ZSCAN31: variants seen among roughly 807,000 people sequenced by gnomAD.
ZSCAN31 encodes the protein zinc finger and SCAN domain containing 31, also known as zinc finger and SCAN domain-containing protein 31.
A neutral mutation model predicts 22.5 loss-of-function variants in ZSCAN31; 14 were observed. The observed-to-expected ratio is 0.62, with a 90% CI of 0.41 to 0.97. The LOEUF (loss-of-function observed/expected upper bound fraction) is 0.97. ZSCAN31 is among the 50% of genes least tolerant of loss of function. ZSCAN31 has a pLI of 0.00. For synonymous variants in ZSCAN31, 168 were observed against 169.8 expected (o/e 0.99, Z 0.08); for missense variants, 424 against 483.4 (o/e 0.88, Z 1.15).
At chr6:28,354,206 C>G (rs1463046977), upstream of ZSCAN31, 3 of 337,552 alleles carry the variant, frequency 8.9e-6, no homozygotes, top group African/African-American at 2.1e-5. Context: ...GGCACAAGTC[C>G]TATGTACAGT....
At position 28,331,522 on chromosome 6, in the gene ZSCAN31, G is replaced by A. The variant is rs1763739035; in HGVS notation, c.-95-1744C>T. 6.6e-6 allele frequency among the ~76,000 whole-genome samples: 1 copy of A among 152,188 alleles called. No individual in the cohort carries two copies. The highest frequency in any genetic ancestry group is 2.4e-5 in the African/African-American group (1 of 41,448). ...TAATAAAATATTCACATAAAATGATGTTACAGAATTGAGAATTTGAAGAGT... is the reference window on the plus strand; with the variant it reads ...TAATAAAATATTCACATAAAATGATATTACAGAATTGAGAATTTGAAGAGT... On this transcript the variant is annotated intron_variant, in intron 1 of 3. Coordinates refer to ENST00000344279, the MANE Select transcript of ZSCAN31 (RefSeq NM_030899.5). This position sits in a 1 kb window ranked among gnomAD's most constrained non-coding sequence, Gnocchi z 4.8.
chr6:28,354,411 C>T (rs759947702), upstream of ZSCAN31, among the ~76,000 whole-genome samples: 2 of 152,154 alleles, frequency 1.3e-5, no homozygotes, highest in South Asian at 2.1e-4. Flanking sequence ...CCCCCTTGGC[C>T]GAGGGAGACA....
In ZSCAN31 at chr6:28,326,348, C is replaced by T; in HGVS notation, c.1039G>A (p.Gly347Arg). 1 of 1,614,238 alleles carries T rather than the reference C, an allele frequency of 6.2e-7. No individual in the cohort carries two copies. Among genetic ancestry groups the T allele is most frequent in the Non-Finnish European group, 8.5e-7 (1 of 1,180,046 alleles). ...TCACGACACTGATAGCGCTTCTCTC[C>T]AGTGTGTATCCTCTGATGCTGAACA... ...CLVQHQRIHT[G>R]EKRYQCRECG... The change falls in exon 4 of 4, where the codon GGA becomes AGA. Residue 347 changes from glycine (G) to arginine (R), a missense_variant. By Grantham distance (125) the Gly-to-Arg change is moderately radical. Transcript: ENST00000344279.
Position 28,326,486 on chromosome 6 carries a change from C to T in ZSCAN31, c.901G>A (p.Gly301Arg). ...GEKPYQCKEC[G>R]KAFSASNGLT... ...CCATTGCTGGCACTGAAGGCTTTCC[C>T]ACACTCCTTACATTGATAGGGTTTC... The change falls in exon 4 of 4, where the codon GGG (glycine) becomes AGG (arginine). Residue 301 changes from glycine to arginine, a missense_variant. Physicochemically the swap from Gly to Arg is moderately radical, Grantham distance 125. Transcript: ENST00000344279. The T allele has an allele frequency of 6.2e-7, 1 of 1,614,200 alleles. No homozygotes were observed. Among genetic ancestry groups the T allele is most frequent in the Non-Finnish European group, 8.5e-7 (1 of 1,180,044 alleles).
At chr6:28,332,278 G>A (rs1465247260) in intron 1 of ZSCAN31, 1 of 152,122 alleles carries the variant, frequency 6.6e-6, no homozygotes, top group Non-Finnish European at 1.5e-5. Context: ...TAGAAGTCTG[G>A]ACTTACCACA....
intron 2 of ZSCAN31, among the ~76,000 whole-genome samples, chr6:28,344,831 C>T (rs991075452): frequency 1.3e-5 from 2 of 151,536 alleles, no homozygotes; most frequent in South Asian, 4.2e-4. Context: ...TTTTAGGGAA[C>T]TAGAAGAAAA....
Position 28,345,144 on chromosome 6 carries a change from C to CAAAAAA in ZSCAN31, c.-370-3358_-370-3353dup, listed in dbSNP as rs60598517. 2.5e-3 allele frequency among the ~76,000 whole-genome samples: 232 copies of CAAAAAA among 93,478 alleles called. 5 individuals carry two copies. The highest frequency in any genetic ancestry group is 7.9e-3 in the African/African-American group (209 of 26,368). The allele number at this position is 93,478 out of a possible 152,430, so 61.3% of individuals were successfully genotyped here. On this transcript the variant is annotated intron_variant, in intron 2 of 7. Transcript: ENST00000396838. ...CAGGCAACGCAGTGAAACTGTGTCT[C>CAAAAAA]AAAAAAAAAAAAAAAAGAAAAAGAA...
chr6:28,326,659 T>C lies in ZSCAN31; in HGVS notation c.728A>G (p.Glu243Gly), dbSNP rs1219715841. Residue 243 changes from glutamate (E) to glycine (G), a missense_variant, in exon 4 of 4, where the codon GAA becomes GGA. Physicochemically the swap from Glu to Gly is moderately conservative, Grantham distance 98. Transcript: ENST00000344279. ...STGERRHRCN[E>G]CGKSFTKSSV... ...ACTCTTAGTGAAGCTTTTCCCACAT[T>C]CATTGCACCTGTGGCGTCTCTCTCC... 1 of 1,614,214 alleles carries C rather than the reference T, an allele frequency of 6.2e-7. No individual in the cohort carries two copies. Among genetic ancestry groups the C allele is most frequent in the Non-Finnish European group, 8.5e-7 (1 of 1,180,026 alleles).
chr6:28,334,184 TA>T (rs1763966517), intron 1 of ZSCAN31, among the ~76,000 whole-genome samples: 1 of 152,096 alleles, frequency 6.6e-6, no homozygotes, highest in African/African-American at 2.4e-5. Flanking sequence ...ATAGTTACAA[TA>T]CAATAAAATA....
At chr6:28,336,625 G>T (rs1299197634), upstream of ZSCAN31, among the ~76,000 whole-genome samples, 1 of 152,182 alleles carries the variant, frequency 6.6e-6, no homozygotes, top group East Asian at 1.9e-4. Flanking sequence ...GGTTAGGGCC[G>T]TTAGGCTCTG....
chr6:28,348,098 T>C (rs213240), intron 2 of ZSCAN31, among the ~76,000 whole-genome samples: 81,149 of 152,030 alleles, frequency 0.53, 25,487 homozygotes, highest in African/African-American at 0.88. Flanking sequence ...TGTAGATGTT[T>C]ATTATATATT....
intron 2 of ZSCAN31, chr6:28,353,455 C>T (rs1765195346): frequency 6.2e-6 from 1 of 161,226 alleles, no homozygotes; most frequent in East Asian, 1.7e-4. Flanking sequence ...GGGATAGGCT[C>T]TCTTTCAGAA....
chr6:28,326,570 C>T lies in ZSCAN31; in HGVS notation c.817G>A (p.Gly273Arg), dbSNP rs1342572531. 2 of 1,614,046 alleles carry T rather than the reference C, an allele frequency of 1.2e-6. No individual in the cohort carries two copies. The highest frequency in any genetic ancestry group is 1.7e-6 in the Non-Finnish European group (2 of 1,180,024). Reference protein sequence around the residue: ...GEKPYECEECGKAFSRRSSLN... With the variant: ...GEKPYECEECRKAFSRRSSLN... ...CTTGACCTCCGGCTGAAGGCCTTCC[C>T]ACATTCTTCACATTCATATGGCTTC... Residue 273 changes from glycine (G) to arginine (R), a missense_variant, in exon 4 of 4, where the codon GGG becomes AGG. Transcript: ENST00000344279.
At chr6:28,329,255 C>G in intron 2 of ZSCAN31, 48 bp downstream of exon 2, 5 of 1,525,126 alleles carry the variant, frequency 3.3e-6, no homozygotes, top group South Asian at 1.3e-5. Context: ...CCAAACCCCA[C>G]CTTTCATTTA....
intron 1 of ZSCAN31, among the ~76,000 whole-genome samples, chr6:28,335,143 T>C (rs1382337323): frequency 2.0e-5 from 3 of 152,064 alleles, no homozygotes; most frequent in African/African-American, 2.4e-5. Context: ...TAGCTTGCCT[T>C]AGGTGGATAG....
upstream of ZSCAN31, among the ~76,000 whole-genome samples, chr6:28,340,680 A>T (rs920063208): frequency 6.6e-6 from 1 of 152,182 alleles, no homozygotes; most frequent in African/African-American, 2.4e-5. Context: ...TAGTATTCTT[A>T]TATATTTTAC....
chr6:28,340,446 G>GT (rs1436445925), upstream of ZSCAN31, among the ~76,000 whole-genome samples: 1 of 152,182 alleles, frequency 6.6e-6, no homozygotes, highest in Non-Finnish European at 1.5e-5. Flanking sequence ...GAGATCTGAG[G>GT]TTTTATAAGG....
chr6:28,354,322 A>G (rs1376868359), upstream of ZSCAN31: 1 of 217,250 alleles, frequency 4.6e-6, no homozygotes, highest in African/African-American at 2.2e-5. Flanking sequence ...CTGCGTTCCA[A>G]ACTCGCTGAG....
intron 2 of ZSCAN31, among the ~76,000 whole-genome samples, chr6:28,352,194 T>G (rs961411931): frequency 6.6e-6 from 1 of 152,246 alleles, no homozygotes; most frequent in African/African-American, 2.4e-5. Flanking sequence ...TTTGGTCGAT[T>G]GCTTCTTTTT....
Sources: allele counts gnomAD v4.1 joint callset (sites outside exome capture counted in the v4.1 genomes callset), GRCh38; gene constraint gnomAD v4.1.1; non-coding constraint Gnocchi (gnomAD v3.1); transcripts MANE v1.5; gene names NCBI Gene and HGNC (gene_info 2026-07-23, HGNC 2026-07-21).